DUSP15: variants seen among roughly 807,000 people sequenced by gnomAD.
The protein encoded by DUSP15 is dual specificity phosphatase 15, also known as dual specificity protein phosphatase 15.
DUSP15 carries 23 observed loss-of-function variants against 26.3 expected under a neutral mutation model. The ratio of observed to expected loss-of-function variants is 0.87; its 90% confidence interval spans 0.63 to 1.24. The LOEUF is 1.24. Ranked by LOEUF, DUSP15 falls within the 50% of genes most tolerant of loss-of-function variation. The pLI is 0.00. For synonymous variants in DUSP15, 143 were observed against 135.5 expected (o/e 1.06, Z -0.39); for missense variants, 364 against 320.6 (o/e 1.14, Z -1.03).
At chr20:31,860,851 G>C (rs936410572), downstream of DUSP15, among the ~76,000 whole-genome samples, 13 of 152,320 alleles carry the variant, frequency 8.5e-5, no homozygotes, top group Middle Eastern at 3.4e-3. Context: ...GGGACACCGT[G>C]GCTTTGGGGG....
chr20:31,848,067 T>C (rs2123162674), exon 10 of DUSP15: 1 of 253,942 alleles, frequency 3.9e-6, no homozygotes, highest in Middle Eastern at 1.2e-3. Flanking sequence ...AAGCAAACGT[T>C]TTAATGGACT....
At chr20:31,848,910 G>T (rs2062414831) in intron 8 of DUSP15, 1 of 1,609,430 alleles carries the variant, frequency 6.2e-7, no homozygotes, top group African/African-American at 1.3e-5. Flanking sequence ...CATCCTGCAG[G>T]TGGGCACACA....
In DUSP15 at chr20:31,869,554, C is replaced by T. The variant is rs2062867535; in HGVS notation, c.55+10G>A. 3 of 1,611,462 alleles carry T rather than the reference C, an allele frequency of 1.9e-6. No homozygotes were observed. Among genetic ancestry groups the T allele is most frequent in the African/African-American group, 1.3e-5 (1 of 74,922 alleles). ...TGCCATGGCCTCGGGACAGAGTGGGCAGTGCTCACCAATGAAGTTTCCGAG... is the reference window on the plus strand; with the variant it reads ...TGCCATGGCCTCGGGACAGAGTGGGTAGTGCTCACCAATGAAGTTTCCGAG... On this transcript the variant is annotated intron_variant, in intron 2 of 6. Transcript: ENST00000339738.
At chr20:31,858,992 T>C (rs1025601103), downstream of DUSP15, among the ~76,000 whole-genome samples, 5 of 152,332 alleles carry the variant, frequency 3.3e-5, no homozygotes, top group African/African-American at 1.2e-4. This position sits in a 1 kb window ranked among gnomAD's most constrained non-coding sequence, Gnocchi z 4.4. Context: ...TGCTCATCAG[T>C]GCTGGGCCTG....
At chr20:31,862,052 C>T (rs2062672327) in intron 6 of DUSP15, among the ~76,000 whole-genome samples, 1 of 152,092 alleles carries the variant, frequency 6.6e-6, no homozygotes, top group African/African-American at 2.4e-5. Flanking sequence ...TCTTCCTTGC[C>T]CGACTCTTTC....
At chr20:31,848,309 G>C in exon 10 of DUSP15, 1 of 1,396,634 alleles carries the variant, frequency 7.2e-7, no homozygotes, top group Non-Finnish European at 9.6e-7. Context: ...CCGTCCGGCA[G>C]ACCTGGGTGA....
intron 7 of DUSP15, chr20:31,849,929 G>A: frequency 2.1e-6 from 3 of 1,422,480 alleles, no homozygotes; most frequent in Non-Finnish European, 2.7e-6. Flanking sequence ...AGCTCCCCTC[G>A]CCTTCTTACC....
Position 31,865,556 on chromosome 20 carries a change from C to T in DUSP15, c.139-554G>A, listed in dbSNP as rs142325843. 9.2e-5 allele frequency among the ~76,000 whole-genome samples: 14 copies of T among 152,150 alleles called. No individual in the cohort carries two copies. In the East Asian group the frequency reaches 1.2e-3, roughly 13 times the overall value. ...CAATATCATGAAGATTATTTTTGCC[C>T]GCCTCCTGAGGACCTCCTTGCTTTT... On this transcript the variant is annotated intron_variant, in intron 3 of 6. Transcript: ENST00000339738.
intron 7 of DUSP15, chr20:31,850,554 C>T: frequency 1.3e-6 from 2 of 1,548,424 alleles, no homozygotes; most frequent in Non-Finnish European, 8.8e-7. Flanking sequence ...TGGCCCCACC[C>T]CGCGGCCGTC....
In DUSP15 at chr20:31,863,928, C is replaced by T. The variant is rs747601087; in HGVS notation, c.242G>A (p.Gly81Glu). Reference sequence around the variant, plus strand: ...TCACCAGTGCACAAGGCAGTTCCCCCCATTAAGGCGGCAGCAGTGGATGAA... The same window carrying T: ...TCACCAGTGCACAAGGCAGTTCCCCTCATTAAGGCGGCAGCAGTGGATGAA... Reference protein sequence around the residue: ...INFIHCCRLNGGNCLVHCFAG... With the variant: ...INFIHCCRLNEGNCLVHCFAG... The change falls in exon 5 of 7, where the codon GGG becomes GAG. Residue 81 changes from glycine to glutamate, a missense_variant. Gly to Glu is a moderately conservative substitution (Grantham distance 98). Transcript: ENST00000339738. 2 of 1,614,070 alleles carry T rather than the reference C, an allele frequency of 1.2e-6. No individual in the cohort carries two copies. Among genetic ancestry groups the T allele is most frequent in the South Asian group, 2.2e-5 (2 of 91,078 alleles).
At chr20:31,860,729 C>A (rs142618281), downstream of DUSP15, among the ~76,000 whole-genome samples, 235 of 152,260 alleles carry the variant, frequency 1.5e-3, no homozygotes, top group African/African-American at 5.5e-3. Context: ...ACTATTTGTG[C>A]ACAGGGAAGG....
chr20:31,861,741 C>T, intron 6 of DUSP15, 66 bp from the exon 7 acceptor site: 1 of 1,229,072 alleles, frequency 8.1e-7, no homozygotes, highest in Non-Finnish European at 1.0e-6. Context: ...GCAGCCGGCC[C>T]CGCCCCCACC....
At chr20:31,860,599 GC>G (rs143262730), downstream of DUSP15, among the ~76,000 whole-genome samples, 802 of 152,314 alleles carry the variant, frequency 5.3e-3, 14 homozygotes, top group African/African-American at 0.018. Context: ...CCCTGCTCTG[GC>G]TGTGTGTGCT....
At chr20:31,849,794 AGAC>A in exon 8 of DUSP15, 1 of 1,541,732 alleles carries the variant, frequency 6.5e-7, no homozygotes, top group South Asian at 1.2e-5. Flanking sequence ...CCGCGGACTC[AGAC>A]GACAGCGCTG....
At chr20:31,846,867 T>C (rs533266638), downstream of DUSP15, among the ~76,000 whole-genome samples, 167 of 152,274 alleles carry the variant, frequency 1.1e-3, no homozygotes, top group Non-Finnish European at 2.0e-3. Flanking sequence ...GTCCAGGCCA[T>C]GGTGGGGAGG....
intron 6 of DUSP15, among the ~76,000 whole-genome samples, chr20:31,854,689 G>T (rs6060998): frequency 5.9e-5 from 9 of 152,266 alleles, no homozygotes; most frequent in African/African-American, 2.2e-4. Context: ...AGTCCTGGAG[G>T]TATAGAAGGG....
intron 9 of DUSP15, chr20:31,848,634 C>A: frequency 6.7e-7 from 1 of 1,482,724 alleles, no homozygotes; most frequent in Non-Finnish European, 9.0e-7. Flanking sequence ...CATGGGAAGT[C>A]ACAGCCCTAG....
At chr20:31,853,246 T>C (rs1044847024) in intron 6 of DUSP15, among the ~76,000 whole-genome samples, 1 of 152,000 alleles carries the variant, frequency 6.6e-6, no homozygotes, top group Non-Finnish European at 1.5e-5. Context: ...TAAACAGAAA[T>C]AACTATATTC....
At chr20:31,846,475 AG>A (rs1555791619), downstream of DUSP15, among the ~76,000 whole-genome samples, 10 of 79,660 alleles carry the variant, frequency 1.3e-4, no homozygotes, top group African/African-American at 5.9e-4. Context: ...AGAGAGAGAG[AG>A]GAGAGAGAGG....
Sources: allele counts gnomAD v4.1 joint callset (sites outside exome capture counted in the v4.1 genomes callset), GRCh38; gene constraint gnomAD v4.1.1; non-coding constraint Gnocchi (gnomAD v3.1); transcripts MANE v1.5; gene names NCBI Gene and HGNC (gene_info 2026-07-23, HGNC 2026-07-21).